COL8A1: variants seen among roughly 807,000 people sequenced by gnomAD.
COL8A1 encodes the protein collagen alpha-1(VIII) chain.
COL8A1 carries 21 observed loss-of-function variants against 42.7 expected under a neutral mutation model. That is an observed-to-expected ratio of 0.49 (90% CI 0.35 to 0.71). The LOEUF is 0.71. COL8A1 is among the 30% of genes least tolerant of loss of function. The pLI is 0.01. For missense variants in COL8A1, 788 were observed against 962.4 expected (o/e 0.82, Z 2.40); for synonymous variants, 367 against 369.1 (o/e 0.99, Z 0.06).
chr3:99,744,262 C>T (rs1245867699), intron 1 of COL8A1, among the ~76,000 whole-genome samples: 2 of 151,988 alleles, frequency 1.3e-5, no homozygotes, highest in Admixed American at 6.6e-5. Context: ...GTGAAACACA[C>T]GAAAATAAAA....
intron 1 of COL8A1, among the ~76,000 whole-genome samples, chr3:99,733,884 T>G (rs942350561): frequency 6.6e-6 from 1 of 152,166 alleles, no homozygotes; most frequent in Admixed American, 6.5e-5. Context: ...TTGATTTGCA[T>G]TTCTCTGATG....
chr3:99,772,827 C>CA (rs1042594194), intron 2 of COL8A1, among the ~76,000 whole-genome samples: 5 of 152,092 alleles, frequency 3.3e-5, no homozygotes, highest in Non-Finnish European at 7.4e-5. Context: ...AGGATATTGC[C>CA]AGCCTGAAGA....
At chr3:99,719,337 T>C (rs921200713) in intron 1 of COL8A1, among the ~76,000 whole-genome samples, 3 of 152,100 alleles carry the variant, frequency 2.0e-5, no homozygotes, top group African/African-American at 4.8e-5. Flanking sequence ...CACTAATATA[T>C]TTCAACCAAA....
intron 1 of COL8A1, among the ~76,000 whole-genome samples, chr3:99,661,805 T>G (rs1390962916): frequency 6.6e-6 from 1 of 152,018 alleles, no homozygotes; most frequent in Non-Finnish European, 1.5e-5. Flanking sequence ...AGGAAGAAAA[T>G]TGTAACACGT....
chr3:99,772,415 G>A (rs1267082396), intron 2 of COL8A1, among the ~76,000 whole-genome samples: 1 of 152,238 alleles, frequency 6.6e-6, no homozygotes, highest in East Asian at 1.9e-4. Flanking sequence ...CTCATAGAAT[G>A]TACAACACCA....
intron 1 of COL8A1, among the ~76,000 whole-genome samples, chr3:99,740,473 G>T (rs796394692): frequency 2.6e-5 from 4 of 152,342 alleles, no homozygotes; most frequent in African/African-American, 9.6e-5. Context: ...GGCGGAATGG[G>T]AAGCAAACAT....
rs1271870406 is a variant in COL8A1, at chr3:99,735,141, T to A, written c.-128-9756T>A. ...TCTTTTCCTAATTGAATACCCTTTA[T>A]TTCCTTCTCCTGCCTAATTGCCCTG... On this transcript the variant is annotated intron_variant, in intron 1 of 3. Transcript: ENST00000652472. 4.1e-3 allele frequency among the ~76,000 whole-genome samples: 581 copies of A among 143,132 alleles called. 3 individuals are homozygous for A. The highest frequency in any genetic ancestry group is 0.014 in the African/African-American group (543 of 37,708). The allele number at this position is 143,132 out of a possible 152,430, so 93.9% of individuals were successfully genotyped here.
rs201835908 is a variant in COL8A1, at chr3:99,683,909, T to TA, written c.-129+45254dup. On this transcript the variant is annotated intron_variant, in intron 1 of 3. Transcript: ENST00000652472. ...TCTCTATAAGACCAAAACAATAAGC[T>TA]AAAAAAAAACCAACATTTCATGAAA... Among the ~76,000 whole-genome samples, 1,454 of 151,306 alleles carry TA rather than the reference T, an allele frequency of 9.6e-3. 25 individuals carry two copies. The highest frequency in any genetic ancestry group is 0.032 in the African/African-American group (1,326 of 41,266).
chr3:99,643,036 A>C (rs1326671324), intron 1 of COL8A1, among the ~76,000 whole-genome samples: 1 of 152,210 alleles, frequency 6.6e-6, no homozygotes, highest in Non-Finnish European at 1.5e-5. Flanking sequence ...GCTAATTGTA[A>C]CTAAAAGTTA....
At chr3:99,728,662 C>A (rs761921898) in intron 1 of COL8A1, among the ~76,000 whole-genome samples, 4 of 152,072 alleles carry the variant, frequency 2.6e-5, no homozygotes, top group Admixed American at 6.6e-5. Flanking sequence ...CACTGGCCAT[C>A]TTAGCTTACC....
intron 1 of COL8A1, among the ~76,000 whole-genome samples, chr3:99,729,453 G>T (rs1018931204): frequency 6.6e-6 from 1 of 151,894 alleles, no homozygotes; most frequent in Middle Eastern, 3.4e-3. Flanking sequence ...ACCATTGCAT[G>T]GGTTTTATTT....
intron 1 of COL8A1, among the ~76,000 whole-genome samples, chr3:99,662,763 G>T (rs927368219): frequency 6.6e-6 from 1 of 152,120 alleles, no homozygotes; most frequent in Admixed American, 6.6e-5. Flanking sequence ...ATGGTTTGCT[G>T]GCAATCTTTA....
rs550343423 is a variant in COL8A1, at chr3:99,751,136, G to A, written c.-4+6115G>A. Among the ~76,000 whole-genome samples, 33 of 152,256 alleles carry A rather than the reference G, an allele frequency of 2.2e-4. No individual in the cohort carries two copies. In the South Asian group the frequency reaches 6.8e-3, roughly 32 times the overall value. On this transcript the variant is annotated intron_variant, in intron 2 of 3. Coordinates refer to ENST00000652472, the MANE Select transcript of COL8A1 (RefSeq NM_020351.4). ...AAAATTTTACTACAAAGAAAATTCA[G>A]AAATGAGTTATTTGTGCCATTTAAT... is the stretch of plus-strand genomic sequence containing the variant.
At chr3:99,762,302 A>C (rs1206734470) in intron 2 of COL8A1, among the ~76,000 whole-genome samples, 3 of 152,026 alleles carry the variant, frequency 2.0e-5, no homozygotes, top group Non-Finnish European at 4.4e-5. Context: ...AATCAGGCCC[A>C]CTCCTAACAT....
At chr3:99,687,400 CAAATGTT>C (rs1350316597) in intron 1 of COL8A1, among the ~76,000 whole-genome samples, 1 of 152,142 alleles carries the variant, frequency 6.6e-6, no homozygotes, top group Non-Finnish European at 1.5e-5. Context: ...AGGCATCATG[CAAATGTT>C]ACTTATCCTT....
intron 1 of COL8A1, among the ~76,000 whole-genome samples, chr3:99,728,764 C>A (rs1401879382): frequency 2.6e-5 from 4 of 151,926 alleles, no homozygotes; most frequent in South Asian, 2.1e-4. Context: ...TAATTGAATA[C>A]AAGTATCTCA....
At chr3:99,673,872 G>C (rs1236062883) in intron 1 of COL8A1, among the ~76,000 whole-genome samples, 1 of 151,994 alleles carries the variant, frequency 6.6e-6, no homozygotes, top group African/African-American at 2.4e-5. Context: ...CAATAAGGAT[G>C]ATGATGTTAT....
intron 2 of COL8A1, among the ~76,000 whole-genome samples, chr3:99,786,153 T>A (rs1449503911): frequency 6.6e-6 from 1 of 152,138 alleles, no homozygotes; most frequent in Non-Finnish European, 1.5e-5. Context: ...TATCCAAAAT[T>A]TACTTCCTCA....
At chr3:99,708,670 G>A (rs954226541) in intron 1 of COL8A1, among the ~76,000 whole-genome samples, 1 of 152,072 alleles carries the variant, frequency 6.6e-6, no homozygotes, top group Non-Finnish European at 1.5e-5. Flanking sequence ...GTTGATCTCT[G>A]CTGGATAGGG....
Sources: allele counts gnomAD v4.1 joint callset (sites outside exome capture counted in the v4.1 genomes callset), GRCh38; gene constraint gnomAD v4.1.1; transcripts MANE v1.5; gene names NCBI Gene and HGNC (gene_info 2026-07-23, HGNC 2026-07-21).